Variants in TTBK2 observed in about 807,000 individuals in gnomAD.
The protein encoded by TTBK2 is tau tubulin kinase 2.
A neutral mutation model predicts 110.8 loss-of-function variants in TTBK2; 28 were observed. That is an observed-to-expected ratio of 0.25 (90% confidence interval 0.19 to 0.35). The LOEUF is 0.35. TTBK2 is among the 10% of genes least tolerant of loss of function. TTBK2 has a pLI of 1.00. For missense variants in TTBK2, 1,369 were observed against 1,500.3 expected (o/e 0.91, Z 1.45); for synonymous variants, 532 against 527.3 (o/e 1.01, Z -0.12).
At chr15:42,834,425 C>T (rs998753194) in intron 4 of TTBK2, among the ~76,000 whole-genome samples, 3 of 152,086 alleles carry the variant, frequency 2.0e-5, no homozygotes, top group Non-Finnish European at 2.9e-5. Flanking sequence ...CATCATTTCC[C>T]ATTAAAAGGA....
In TTBK2 at chr15:42,818,709, G is replaced by A. The variant is rs142068724; in HGVS notation, c.538-1612C>T. On this transcript the variant is annotated intron_variant, in intron 6 of 14. Coordinates refer to ENST00000267890, the MANE Select transcript of TTBK2 (RefSeq NM_173500.4). ...CACTCCAGCCGGGGCGACAGAACGA[G>A]ACTCCGTCTCAAAAAACAAACAAAC... Among the ~76,000 whole-genome samples, 1,462 of 152,024 alleles carry A rather than the reference G, an allele frequency of 9.6e-3. 32 individuals are homozygous for A. The highest frequency in any genetic ancestry group is 0.034 in the African/African-American group (1,413 of 41,494).
chr15:42,908,027 G>A (rs2030516659), intron 1 of TTBK2, among the ~76,000 whole-genome samples: 1 of 151,978 alleles, frequency 6.6e-6, no homozygotes, highest in South Asian at 2.1e-4. Context: ...CAGAAGTTGT[G>A]GTGAGCCAAA....
At chr15:42,764,223 T>C (rs1889244604) in intron 13 of TTBK2, among the ~76,000 whole-genome samples, 2 of 152,158 alleles carry the variant, frequency 1.3e-5, no homozygotes, top group African/African-American at 4.8e-5. Context: ...CATTTCCAAC[T>C]GAGGTACCTG....
At chr15:42,839,887 T>A (rs906690363) in intron 4 of TTBK2, among the ~76,000 whole-genome samples, 10 of 152,198 alleles carry the variant, frequency 6.6e-5, no homozygotes, top group African/African-American at 2.4e-4. Context: ...TATGGAATGA[T>A]GCAGCAAGAA....
intron 10 of TTBK2, among the ~76,000 whole-genome samples, chr15:42,789,854 T>C (rs1595911327): frequency 1.4e-5 from 2 of 147,818 alleles, no homozygotes; most frequent in Admixed American, 6.7e-5. Flanking sequence ...ATACATACAA[T>C]ACACACACAC....
chr15:42,815,913 A>AAT (rs1261885538), intron 7 of TTBK2, among the ~76,000 whole-genome samples: 28 of 100,802 alleles, frequency 2.8e-4, no homozygotes, highest in Non-Finnish European at 3.7e-4. Flanking sequence ...TATATTTAAA[A>AAT]ATATATATAT....
rs370828730 is a variant in TTBK2 at position 42,786,279 on chromosome 15, AT to A, written c.981-2645del. 1.6e-4 allele frequency among the ~76,000 whole-genome samples: 25 copies of A among 152,358 alleles called. No homozygotes were observed. The East Asian group carries it at 4.6e-3, about 28-fold the overall frequency. Reference sequence around the variant, plus strand: ...TTATAGAGATAATTAAAGATCAGAAATAAACTGGCTACTAACAGATTTTTCA... The same window carrying A: ...TTATAGAGATAATTAAAGATCAGAAAAAACTGGCTACTAACAGATTTTTCA... On this transcript the variant is annotated intron_variant, in intron 10 of 14. Transcript: ENST00000267890.
intron 6 of TTBK2, among the ~76,000 whole-genome samples, chr15:42,819,381 T>C (rs532113904): frequency 2.0e-5 from 3 of 152,138 alleles, no homozygotes; most frequent in African/African-American, 7.2e-5. Context: ...CCAGAATAAT[T>C]TGGTTGTATG....
At chr15:42,863,186 G>A (rs1485740338) in intron 3 of TTBK2, among the ~76,000 whole-genome samples, 1 of 151,826 alleles carries the variant, frequency 6.6e-6, no homozygotes, top group Non-Finnish European at 1.5e-5. Flanking sequence ...CCACCAAAAG[G>A]CCCCTAGAAC....
In TTBK2 at chr15:42,827,945, A is replaced by T. The variant is rs937197529; in HGVS notation, c.520T>A (p.Cys174Ser). The T allele has an allele frequency of 5.0e-6, 8 of 1,613,440 alleles. No homozygotes were observed. The highest frequency in any genetic ancestry group is 6.8e-6 in the Non-Finnish European group (8 of 1,179,698). ...FGLARQFTNS[C>S]GDVRPPRAVA... ...AATCTTACTGGTCTGACGTCACCACAGGAATTGGTAAATTGTCGAGCCAAG... is the reference window on the plus strand; with the variant it reads ...AATCTTACTGGTCTGACGTCACCACTGGAATTGGTAAATTGTCGAGCCAAG... The change falls in exon 6 of 15, where the codon TGT (cysteine) becomes AGT (serine). Residue 174 changes from cysteine to serine, a missense_variant. Coordinates refer to ENST00000267890, the MANE Select transcript of TTBK2 (RefSeq NM_173500.4).
chr15:42,897,721 C>T (rs1895720003), intron 1 of TTBK2, among the ~76,000 whole-genome samples: 1 of 151,892 alleles, frequency 6.6e-6, no homozygotes, highest in African/African-American at 2.4e-5. Flanking sequence ...AAAACCCATA[C>T]AAGACAGGAG....
intron 4 of TTBK2, among the ~76,000 whole-genome samples, chr15:42,838,241 T>C (rs1486208027): frequency 6.6e-6 from 1 of 150,522 alleles, no homozygotes; most frequent in Non-Finnish European, 1.5e-5. Flanking sequence ...AGAAACCAAA[T>C]GCCCAAAACA....
chr15:42,778,435 G>A (rs965328591), intron 11 of TTBK2, among the ~76,000 whole-genome samples: 3 of 152,182 alleles, frequency 2.0e-5, no homozygotes, highest in Non-Finnish European at 2.9e-5. Context: ...GGAAGCCAAG[G>A]AGGGTGGGTC....
At chr15:42,811,072 C>G (rs1035417092) in intron 8 of TTBK2, among the ~76,000 whole-genome samples, 23 of 152,166 alleles carry the variant, frequency 1.5e-4, no homozygotes, top group Non-Finnish European at 2.4e-4. Flanking sequence ...CTCACTGCAG[C>G]CTCGACCTTT....
chr15:42,765,979 A>G (rs1258813367), intron 13 of TTBK2, among the ~76,000 whole-genome samples: 1 of 152,200 alleles, frequency 6.6e-6, no homozygotes, highest in Non-Finnish European at 1.5e-5. Context: ...ATTCTTAAAG[A>G]AAAGAATTTT....
chr15:42,876,379 T>C (rs1252631427), intron 2 of TTBK2, among the ~76,000 whole-genome samples: 1 of 152,150 alleles, frequency 6.6e-6, no homozygotes, highest in African/African-American at 2.4e-5. Flanking sequence ...CCTTTTGATA[T>C]GTCCACTGGA....
chr15:42,910,772 G>A (rs539856446), intron 1 of TTBK2, among the ~76,000 whole-genome samples: 13 of 152,234 alleles, frequency 8.5e-5, no homozygotes, highest in African/African-American at 2.2e-4. Flanking sequence ...GGGGCCTGGC[G>A]CAGTGGCTCA....
intron 9 of TTBK2, among the ~76,000 whole-genome samples, chr15:42,795,036 C>T (rs577700855): frequency 5.2e-4 from 79 of 152,278 alleles, no homozygotes; most frequent in African/African-American, 1.8e-3. Flanking sequence ...CATAATGAAG[C>T]ATCATATCTA....
chr15:42,748,054 G>C (rs1183533456), intron 14 of TTBK2, among the ~76,000 whole-genome samples: 8 of 152,176 alleles, frequency 5.3e-5, no homozygotes, highest in Admixed American at 4.6e-4. Flanking sequence ...AAAATGTTCA[G>C]TTCCATGAAC....
Sources: allele counts gnomAD v4.1 joint callset (sites outside exome capture counted in the v4.1 genomes callset), GRCh38; gene constraint gnomAD v4.1.1; transcripts MANE v1.5; gene names NCBI Gene and HGNC (gene_info 2026-07-23, HGNC 2026-07-21).